The following TYW1 variants were observed in gnomAD, a reference collection of about 807,000 sequenced individuals.
TYW1 encodes S-adenosyl-L-methionine-dependent tRNA 4-demethylwyosine synthase TYW1.
TYW1 carries 46 observed loss-of-function variants against 96.2 expected under a neutral mutation model. The observed-to-expected ratio is 0.48, with a 90% CI of 0.38 to 0.61. TYW1 has a LOEUF of 0.61. TYW1 is among the 20% of genes least tolerant of loss of function. The probability of loss-of-function intolerance (pLI) is 0.00; values close to 1 mark genes in which losing one functional copy is unlikely to be tolerated. For synonymous variants in TYW1, 274 were observed against 323.0 expected (o/e 0.85, Z 1.63); for missense variants, 684 against 909.6 (o/e 0.75, Z 3.19).
At chr7:67,214,689 G>A (rs948157343) in intron 15 of TYW1, among the ~76,000 whole-genome samples, 4 of 151,518 alleles carry the variant, frequency 2.6e-5, no homozygotes, top group African/African-American at 4.9e-5. Context: ...TTTCTAGTTT[G>A]CTGAGGGTTT....
chr7:67,012,276 A>G (rs1280252950), intron 4 of TYW1, among the ~76,000 whole-genome samples: 1 of 152,024 alleles, frequency 6.6e-6, no homozygotes, highest in Admixed American at 6.6e-5. Context: ...TAAACTCGGG[A>G]GGTGGAGGTT....
chr7:67,229,548 A>G (rs1801679390), intron 15 of TYW1, among the ~76,000 whole-genome samples: 1 of 152,098 alleles, frequency 6.6e-6, no homozygotes, highest in East Asian at 1.9e-4. Flanking sequence ...CAAAAAAAAA[A>G]AAATTGGAAT....
At chr7:67,096,675 C>T (rs992512816) in intron 11 of TYW1, among the ~76,000 whole-genome samples, 3 of 151,752 alleles carry the variant, frequency 2.0e-5, no homozygotes, top group African/African-American at 7.3e-5. Context: ...ATTATTTCAT[C>T]ACCCAGGTAT....
chr7:67,037,524 A>G, intron 7 of TYW1, among the ~76,000 whole-genome samples: 1 of 148,180 alleles, frequency 6.7e-6, no homozygotes. Context: ...AAAAAAAAAG[A>G]TAATCCTATC....
chr7:67,063,117 C>T (rs1222377727), intron 9 of TYW1, among the ~76,000 whole-genome samples: 3 of 151,992 alleles, frequency 2.0e-5, no homozygotes, highest in Admixed American at 6.6e-5. Flanking sequence ...GGAATTTTTC[C>T]CAGGTATGCA....
rs1800332404 is a variant in TYW1, at chr7:67,194,676, A to G, written c.1810-494A>G. ...GGGATCCTTATCTGTCACTTTAAGG[A>G]AAAAGTTTGCCAGTTTCAATCTCAA... On this transcript the variant is annotated intron_variant, in intron 14 of 15. Transcript: ENST00000359626. Among the ~76,000 whole-genome samples the G allele has an allele frequency of 4.0e-5, 6 of 151,230 alleles. No individual in the cohort carries two copies. The South Asian group carries it at 1.3e-3, about 32-fold the overall frequency.
At chr7:67,087,774 G>GT (rs1405803209) in intron 11 of TYW1, among the ~76,000 whole-genome samples, 3 of 152,178 alleles carry the variant, frequency 2.0e-5, no homozygotes, top group Admixed American at 2.0e-4. Flanking sequence ...CAGAAAACAG[G>GT]TGCATGTTTG....
At chr7:67,146,468 T>C (rs11486705) in intron 13 of TYW1, among the ~76,000 whole-genome samples, 61,905 of 136,570 alleles carry the variant, frequency 0.45, 15,147 homozygotes, top group Middle Eastern at 0.57. Context: ...ATAGGAGAGA[T>C]GAAAAATAAA....
chr7:67,006,399 T>C (rs58820272), intron 3 of TYW1, among the ~76,000 whole-genome samples: 7,448 of 151,676 alleles, frequency 0.049, 340 homozygotes, highest in East Asian at 0.16. Context: ...TAAATGTCTT[T>C]TTTTTATAAA....
At chr7:67,148,617 G>A (rs1048666987) in intron 13 of TYW1, among the ~76,000 whole-genome samples, 1 of 152,012 alleles carries the variant, frequency 6.6e-6, no homozygotes, top group Non-Finnish European at 1.5e-5. Flanking sequence ...ATTTTTAGTA[G>A]AGACGGGGTT....
At chr7:67,063,690 G>A (rs1490240541) in intron 9 of TYW1, among the ~76,000 whole-genome samples, 3 of 151,958 alleles carry the variant, frequency 2.0e-5, no homozygotes, top group Admixed American at 6.6e-5. Flanking sequence ...TGCAAGTTCC[G>A]CCTTCCAGGT....
chr7:67,194,125 G>A (rs1800312520), intron 14 of TYW1, among the ~76,000 whole-genome samples: 3 of 152,178 alleles, frequency 2.0e-5, no homozygotes, highest in South Asian at 4.1e-4. Context: ...CTGGGGTCTT[G>A]TATGCCTTGG....
intron 15 of TYW1, among the ~76,000 whole-genome samples, chr7:67,209,231 G>C (rs941869421): frequency 6.6e-6 from 1 of 152,240 alleles, no homozygotes; most frequent in Non-Finnish European, 1.5e-5. Flanking sequence ...GGTTGAGCTA[G>C]AGGGACAAGG....
intron 13 of TYW1, among the ~76,000 whole-genome samples, chr7:67,179,824 A>G (rs1176840451): frequency 1.4e-5 from 2 of 142,896 alleles, no homozygotes; most frequent in Admixed American, 7.2e-5. Flanking sequence ...CCTGCATGCT[A>G]TTTCATAATT....
intron 15 of TYW1, among the ~76,000 whole-genome samples, chr7:67,205,386 CGG>C (rs528670735): frequency 1.3e-4 from 18 of 139,266 alleles, no homozygotes; most frequent in African/African-American, 4.4e-4. Flanking sequence ...AGGATGGAGG[CGG>C]GGGGGGGGCC....
intron 13 of TYW1, among the ~76,000 whole-genome samples, chr7:67,138,728 T>C (rs1798351599): frequency 1.3e-5 from 2 of 152,242 alleles, no homozygotes; most frequent in Admixed American, 6.5e-5. Flanking sequence ...GAACATGCGA[T>C]GTTTGCCTTT....
rs140752556 is a variant in TYW1, at chr7:67,099,030, TA to T, written c.1562+313del. ...GTCATTTATTTTATTTTATTATTAT[TA>T]TTTTTTTTTTTTGAGTCGGAGTCTC... On this transcript the variant is annotated intron_variant, in intron 12 of 15. Coordinates refer to ENST00000359626, the MANE Select transcript of TYW1 (RefSeq NM_018264.4). Among the ~76,000 whole-genome samples, 78 of 128,318 alleles carry T rather than the reference TA, an allele frequency of 6.1e-4. 1 individual carries two copies. The highest frequency in any genetic ancestry group is 2.4e-3 in the African/African-American group (62 of 25,920). 84.2% of individuals were successfully genotyped at this position (128,318 alleles called of 152,430 possible).
chr7:67,071,390 A>G (rs920842528), intron 10 of TYW1, among the ~76,000 whole-genome samples: 1 of 151,426 alleles, frequency 6.6e-6, no homozygotes, highest in Non-Finnish European at 1.5e-5. Context: ...AAAATTGGAA[A>G]AAAAAAAAAA....
At chr7:66,997,566 G>C (rs1449813967) in intron 1 of TYW1, among the ~76,000 whole-genome samples, 4 of 152,124 alleles carry the variant, frequency 2.6e-5, no homozygotes, top group Non-Finnish European at 5.9e-5. Context: ...CTTTGAGTTA[G>C]TGTTAACAGT....
Sources: allele counts gnomAD v4.1 joint callset (sites outside exome capture counted in the v4.1 genomes callset), GRCh38; gene constraint gnomAD v4.1.1; transcripts MANE v1.5; gene names NCBI Gene and HGNC (gene_info 2026-07-23, HGNC 2026-07-21).